The following ACTN1 variants were observed in gnomAD, a reference collection of about 807,000 sequenced individuals.
ACTN1 encodes the protein alpha-actinin-1.
Under a neutral mutation model 119.6 loss-of-function variants are expected in ACTN1, and 30 were observed. That is an observed-to-expected ratio of 0.25 (90% confidence interval 0.19 to 0.34). The LOEUF (loss-of-function observed/expected upper bound fraction) is 0.34, where lower values mean the gene tolerates loss of function less well. Among genes scored for constraint, ACTN1 ranks in the 10% least tolerant of loss-of-function variants. The pLI, the probability that ACTN1 is intolerant of heterozygous loss-of-function variation, is 1.00. For missense variants in ACTN1, 764 were observed against 1,223.4 expected (o/e 0.62, Z 5.60); for synonymous variants, 429 against 472.6 (o/e 0.91, Z 1.20).
chr14:68,977,155 C>T (rs1397034757), intron 1 of ACTN1, among the ~76,000 whole-genome samples: 1 of 152,170 alleles, frequency 6.6e-6, no homozygotes, highest in African/African-American at 2.4e-5. Context: ...GATTCTAACC[C>T]CCAGGGAAGA....
chr14:68,877,171 C>T lies in ACTN1; in HGVS notation c.2497G>A (p.Ala833Thr). 1 of 1,614,172 alleles carries T rather than the reference C, an allele frequency of 6.2e-7. No homozygotes were observed. Among genetic ancestry groups the T allele is most frequent in the Non-Finnish European group, 8.5e-7 (1 of 1,180,034 alleles). Residue 833 changes from alanine to threonine, a missense_variant, in exon 21 of 22, where the codon GCC becomes ACC. Ala to Thr is a moderately conservative substitution (Grantham distance 58). Coordinates refer to ENST00000394419, the MANE Select transcript of ACTN1 (RefSeq NM_001130004.2). ...PNRLGVVTFQ[A>T]FIDFMSRETA... Reference sequence around the variant, plus strand: ...TCGCGGGACATGAAGTCAATGAAGGCCTGGAATGTCACTACCCCCAGGCGG... The same window carrying T: ...TCGCGGGACATGAAGTCAATGAAGGTCTGGAATGTCACTACCCCCAGGCGG...
chr14:68,921,507 C>T (rs1400449180), intron 2 of ACTN1: 1 of 161,340 alleles, frequency 6.2e-6, no homozygotes, highest in Middle Eastern at 2.9e-3. Flanking sequence ...AATAGAGAAA[C>T]ACAAATAAAT....
In ACTN1 at chr14:68,880,306, C is replaced by G. The variant is rs1214750100; in HGVS notation, c.2134-198G>C. On this transcript the variant is annotated intron_variant, in intron 17 of 21. Transcript: ENST00000394419. This position sits in a 1 kb window ranked among gnomAD's most constrained non-coding sequence, Gnocchi z 4.6. The stretch of plus-strand genomic sequence containing the variant: ...ACAAGGACCCTAGATGACCAAGGGG[C>G]AGGGTGGCAGCCTCTGCCTGGGAGA... Among the ~76,000 whole-genome samples, 1 of 152,134 alleles carries G rather than the reference C, an allele frequency of 6.6e-6. No homozygotes were observed. The highest frequency in any genetic ancestry group is 1.5e-5 in the Non-Finnish European group (1 of 68,008).
intron 1 of ACTN1, among the ~76,000 whole-genome samples, chr14:68,951,611 A>C (rs541985230): frequency 6.6e-6 from 1 of 152,146 alleles, no homozygotes; most frequent in Non-Finnish European, 1.5e-5. Flanking sequence ...GTGATGCAAC[A>C]TTTGATATCC....
At position 68,882,323 on chromosome 14, in the gene ACTN1, C is replaced by T; in HGVS notation, c.1953+135G>A. On this transcript the variant is annotated intron_variant, in intron 16 of 21. Transcript: ENST00000394419. This position sits in a 1 kb window ranked among gnomAD's most constrained non-coding sequence, Gnocchi z 4.5. The stretch of plus-strand genomic sequence containing the variant: ...TAGGCCCCCATAGCCTTCTACAGAA[C>T]AGCAGACCCACGGTGGGCTCCGGGC... 1 of 1,243,488 alleles carries T rather than the reference C, an allele frequency of 8.0e-7. No homozygotes were observed. Among genetic ancestry groups the T allele is most frequent in the South Asian group, 1.5e-5 (1 of 67,850 alleles). The allele number at this position is 1,243,488 out of a possible 1,614,324, so 77.0% of individuals were successfully genotyped here.
At chr14:68,978,780 G>C (rs1391039611) in intron 1 of ACTN1, 172 bp downstream of exon 1, 1 of 430,178 alleles carries the variant, frequency 2.3e-6, no homozygotes, top group African/African-American at 2.1e-5. Context: ...TCCCGCTTCC[G>C]CCAGGCGCCT....
At chr14:68,961,704 G>A (rs900625864) in intron 1 of ACTN1, among the ~76,000 whole-genome samples, 2 of 152,150 alleles carry the variant, frequency 1.3e-5, no homozygotes, top group African/African-American at 2.4e-5. Flanking sequence ...CAATACCCCC[G>A]ACATGTTCTG....
intron 1 of ACTN1, among the ~76,000 whole-genome samples, chr14:68,948,231 G>GC: frequency 6.6e-6 from 1 of 152,150 alleles, no homozygotes; most frequent in Admixed American, 6.5e-5. Flanking sequence ...ACTTACCTAC[G>GC]CACTTTATAA....
chr14:68,878,041 A>G lies in ACTN1; in HGVS notation c.2427+417T>C. On this transcript the variant is annotated intron_variant, in intron 20 of 21. Coordinates refer to ENST00000394419, the MANE Select transcript of ACTN1 (RefSeq NM_001130004.2). The surrounding 1 kb of genome is among the most constrained non-coding windows in gnomAD (Gnocchi z 4.4). ...GGGGGGTGGGGGACGGCCTGGGACA[A>G]TCCAGAGGGGCGGCAGGCCCAACCA... 1 of 186,912 alleles carries G rather than the reference A, an allele frequency of 5.4e-6. No homozygotes were observed. Among genetic ancestry groups the G allele is most frequent in the Non-Finnish European group, 1.1e-5 (1 of 88,968 alleles). 11.6% of individuals were successfully genotyped at this position (186,912 alleles called of 1,614,324 possible).
At chr14:68,918,145 A>C (rs946783834) in intron 3 of ACTN1, among the ~76,000 whole-genome samples, 1 of 152,226 alleles carries the variant, frequency 6.6e-6, no homozygotes, top group African/African-American at 2.4e-5. Context: ...GGGAAAACTG[A>C]GGCTGCCAGG....
intron 16 of ACTN1, 115 bp from the exon 17 acceptor site, chr14:68,881,104 C>T (rs2031467283): frequency 1.9e-6 from 2 of 1,056,096 alleles, no homozygotes; most frequent in Admixed American, 4.7e-5. Context: ...AGTTCCCATC[C>T]CAGCCCTAAG....
intron 1 of ACTN1, among the ~76,000 whole-genome samples, chr14:68,939,522 G>A (rs1337816652): frequency 3.9e-5 from 6 of 152,148 alleles, no homozygotes; most frequent in African/African-American, 1.2e-4. Flanking sequence ...TAGTGCAAAG[G>A]GCTCAGTCTG....
intron 1 of ACTN1, among the ~76,000 whole-genome samples, chr14:68,935,387 ATTTTTTTT>A (rs560204692): frequency 3.5e-5 from 2 of 56,396 alleles, no homozygotes; most frequent in Non-Finnish European, 6.0e-5. Flanking sequence ...CTCTCTGTTC[ATTTTTTTT>A]TTTTTTTTTT....
intron 11 of ACTN1, 101 bp downstream of exon 11, chr14:68,890,038 G>A: frequency 1.3e-6 from 2 of 1,496,556 alleles, no homozygotes; most frequent in Non-Finnish European, 1.8e-6. Context: ...GAGACCAAAT[G>A]AAACAAATGA....
intron 8 of ACTN1, among the ~76,000 whole-genome samples, chr14:68,895,808 A>G (rs1422130290): frequency 6.6e-6 from 1 of 152,156 alleles, no homozygotes; most frequent in Non-Finnish European, 1.5e-5. Flanking sequence ...GTGGGATTTT[A>G]CATGTGTCCT....
chr14:68,948,698 A>G (rs1594859900), intron 1 of ACTN1, among the ~76,000 whole-genome samples: 2 of 152,308 alleles, frequency 1.3e-5, no homozygotes, highest in Admixed American at 6.5e-5. Flanking sequence ...GAGTTCTCCA[A>G]TGCCAAATCC....
At chr14:68,922,162 C>T (rs564475613) in intron 2 of ACTN1, among the ~76,000 whole-genome samples, 1 of 152,310 alleles carries the variant, frequency 6.6e-6, no homozygotes, top group African/African-American at 2.4e-5. Context: ...TGTGCCTGCC[C>T]TGATATCCCG....
At chr14:68,893,266 C>T (rs2032634212) in intron 9 of ACTN1, among the ~76,000 whole-genome samples, 1 of 152,184 alleles carries the variant, frequency 6.6e-6, no homozygotes, top group African/African-American at 2.4e-5. Flanking sequence ...TGAGCCGGCA[C>T]TAATTTACCG....
chr14:68,878,533 G>A lies in ACTN1; in HGVS notation c.2362-10C>T, dbSNP rs574212425. Reference sequence around the variant, plus strand: ...TCATGCCTGTCTTCTTCTGTGGGGGGCAGTGGTACCAAGACACAAGGAGGG... The same window carrying A: ...TCATGCCTGTCTTCTTCTGTGGGGGACAGTGGTACCAAGACACAAGGAGGG... On this transcript the variant is annotated splice_polypyrimidine_tract_variant and intron_variant, in intron 19 of 21. Coordinates refer to ENST00000394419, the MANE Select transcript of ACTN1 (RefSeq NM_001130004.2). This position sits in a 1 kb window ranked among gnomAD's most constrained non-coding sequence, Gnocchi z 4.4. 4.3e-6 allele frequency: 7 copies of A among 1,610,220 alleles called. No homozygotes were observed. Among genetic ancestry groups the A allele is most frequent in the South Asian group, 2.2e-5 (2 of 90,650 alleles).
Sources: allele counts gnomAD v4.1 joint callset (sites outside exome capture counted in the v4.1 genomes callset), GRCh38; gene constraint gnomAD v4.1.1; non-coding constraint Gnocchi (gnomAD v3.1); transcripts MANE v1.5; gene names NCBI Gene and HGNC (gene_info 2026-07-23, HGNC 2026-07-21).